The following NSMAF variants were observed in gnomAD, a reference collection of about 807,000 sequenced individuals.
NSMAF encodes the protein neutral sphingomyelinase activation associated factor.
In NSMAF, 90 loss-of-function variants were observed where a neutral mutation model predicts 134.9. The observed-to-expected ratio is 0.67, with a 90% CI of 0.56 to 0.79. The LOEUF is 0.79. Ranked by LOEUF, NSMAF falls within the 30% of genes least tolerant of loss-of-function variation. The pLI is 0.00. For missense variants in NSMAF, 1,010 were observed against 1,119.0 expected, an observed-to-expected ratio of 0.90 and a Z score of 1.39; for synonymous variants, 358 against 389.6, an observed-to-expected ratio of 0.92 and a Z score of 0.96.
At chr8:58,589,796 C>A (rs1450456006) in intron 25 of NSMAF, 6 of 626,164 alleles carry the variant, frequency 9.6e-6, no homozygotes, top group Non-Finnish European at 1.5e-5. Context: ...CAATTTAAAA[C>A]TTAGAGAAAA....
At chr8:58,589,366 T>C in intron 26 of NSMAF, 86 bp downstream of exon 26, 1 of 1,103,674 alleles carries the variant, frequency 9.1e-7, no homozygotes, top group Non-Finnish European at 1.2e-6. Context: ...TGGCTTATAA[T>C]ATCTGTATGT....
chr8:58,585,364 G>A (rs1245742541), intron 30 of NSMAF, among the ~76,000 whole-genome samples: 1 of 147,670 alleles, frequency 6.8e-6, no homozygotes, highest in African/African-American at 2.6e-5. Flanking sequence ...TTAAGATCAT[G>A]CTATTACCTT....
chr8:58,618,088 A>C (rs1192064374), intron 9 of NSMAF, among the ~76,000 whole-genome samples: 3 of 152,124 alleles, frequency 2.0e-5, no homozygotes, highest in African/African-American at 7.2e-5. Flanking sequence ...ACATGTCCTC[A>C]CTCATAGGTG....
At chr8:58,658,728 C>T (rs973807) in intron 1 of NSMAF, among the ~76,000 whole-genome samples, 66,607 of 152,004 alleles carry the variant, frequency 0.44, 16,430 homozygotes, top group African/African-American at 0.66. Flanking sequence ...CCAAAAATGC[C>T]CTGGGAACTA....
intron 21 of NSMAF, chr8:58,596,022 T>C (rs533278902): frequency 5.1e-6 from 1 of 196,376 alleles, no homozygotes; most frequent in Admixed American, 5.5e-5. Flanking sequence ...AATTTTGTTC[T>C]GGTGTGGGGT....
At chr8:58,658,135 T>A (rs953708338) in intron 1 of NSMAF, among the ~76,000 whole-genome samples, 10 of 152,204 alleles carry the variant, frequency 6.6e-5, no homozygotes, top group Non-Finnish European at 5.9e-5. Flanking sequence ...GTTCTCACAA[T>A]TTAAATATGA....
intron 11 of NSMAF, 82 bp from the exon 12 acceptor site, chr8:58,606,117 ACATT>A (rs770583052): frequency 9.8e-5 from 115 of 1,169,868 alleles, no homozygotes; most frequent in Middle Eastern, 5.3e-4. Flanking sequence ...AATTACAAAA[ACATT>A]CAGTTAAACA....
Position 58,589,439 on chromosome 8 carries a change from A to G in NSMAF, c.2211+13T>C. ...ACACCAAGTTAAAAAAACTTTTTAA[A>G]TTATATATGAACCTTCACTGTAGAG... On this transcript the variant is annotated intron_variant, in intron 26 of 30. Coordinates refer to ENST00000038176, the MANE Select transcript of NSMAF (RefSeq NM_003580.4). 1.4e-6 allele frequency: 2 copies of G among 1,433,516 alleles called. No homozygotes were observed. Among genetic ancestry groups the G allele is most frequent in the Non-Finnish European group, 1.8e-6 (2 of 1,092,306 alleles). 88.8% of individuals were successfully genotyped at this position (1,433,516 alleles called of 1,614,324 possible).
chr8:58,590,538 T>C (rs375962402), intron 24 of NSMAF, among the ~76,000 whole-genome samples: 6 of 152,354 alleles, frequency 3.9e-5, no homozygotes, highest in African/African-American at 1.4e-4. Flanking sequence ...TCATATTAGA[T>C]ATCCTACCAA....
At chr8:58,635,861 T>C (rs1004948858) in intron 2 of NSMAF, among the ~76,000 whole-genome samples, 1 of 152,160 alleles carries the variant, frequency 6.6e-6, no homozygotes, top group African/African-American at 2.4e-5. Flanking sequence ...CACTGAGAAA[T>C]AGTCTTACAG....
chr8:58,657,722 T>C (rs1433462095), intron 1 of NSMAF, among the ~76,000 whole-genome samples: 2 of 152,198 alleles, frequency 1.3e-5, no homozygotes, highest in Non-Finnish European at 2.9e-5. Context: ...ACTAAACAAT[T>C]TGGGCACTCA....
rs957987389 is a variant in NSMAF, at chr8:58,659,688, G to C, written c.-57C>G. 1.5e-6 allele frequency: 2 copies of C among 1,315,792 alleles called. No homozygotes were observed. The highest frequency in any genetic ancestry group is 4.1e-5 in the Admixed American group (1 of 24,276). 81.5% of individuals were successfully genotyped at this position (1,315,792 alleles called of 1,614,324 possible). On this transcript the variant is annotated 5_prime_UTR_variant, in exon 1 of 31. Transcript: ENST00000038176. ...CAGGCAGGCCCCGCCGCCGCCTGCC[G>C]AGGAGGTCCGGAGGAGCCGGGGAGG...
intron 2 of NSMAF, among the ~76,000 whole-genome samples, chr8:58,640,501 T>C (rs1392702951): frequency 6.6e-6 from 1 of 152,174 alleles, no homozygotes; most frequent in East Asian, 1.9e-4. Context: ...ATGTATAAAA[T>C]AGTTTCAAAA....
intron 22 of NSMAF, among the ~76,000 whole-genome samples, chr8:58,595,177 CT>C (rs962369821): frequency 6.6e-6 from 1 of 152,112 alleles, no homozygotes; most frequent in African/African-American, 2.4e-5. Context: ...TAAAAGGTGC[CT>C]TTTCACCTAC....
At position 58,619,641 on chromosome 8, in the gene NSMAF, C is replaced by A. The variant is rs113440553; in HGVS notation, c.557+3579G>T. On this transcript the variant is annotated intron_variant, in intron 9 of 30. Transcript: ENST00000038176. ...CTAAAACCTATTGCATTCTATATAT[C>A]AACAATAAACAGAAAATAAAATTTT... is the stretch of plus-strand genomic sequence containing the variant. 3.2e-3 allele frequency among the ~76,000 whole-genome samples: 483 copies of A among 151,986 alleles called. 2 individuals carry two copies. Among genetic ancestry groups the A allele is most frequent in the African/African-American group, 0.011 (459 of 41,474 alleles).
intron 1 of NSMAF, among the ~76,000 whole-genome samples, chr8:58,655,114 C>G (rs1217590838): frequency 2.0e-5 from 3 of 152,212 alleles, no homozygotes; most frequent in Non-Finnish European, 4.4e-5. Context: ...TCTGGGACTA[C>G]AGGCATGAGG....
At chr8:58,616,554 A>G (rs1192973498) in intron 9 of NSMAF, among the ~76,000 whole-genome samples, 2 of 152,152 alleles carry the variant, frequency 1.3e-5, no homozygotes, top group Non-Finnish European at 2.9e-5. Context: ...TTCTACACCC[A>G]TTATTGAAAA....
intron 22 of NSMAF, among the ~76,000 whole-genome samples, chr8:58,595,067 A>G (rs575002202): frequency 1.3e-5 from 2 of 152,330 alleles, no homozygotes; most frequent in African/African-American, 4.8e-5. Context: ...GAACACACAT[A>G]TCATCTCTGG....
rs908485864 is a variant in NSMAF at position 58,623,715 on chromosome 8, C to T, written c.450G>A (p.Leu150=). 1.2e-6 allele frequency: 2 copies of T among 1,613,716 alleles called. No individual in the cohort carries two copies. Among genetic ancestry groups the T allele is most frequent in the Admixed American group, 1.7e-5 (1 of 59,988 alleles). The change falls in exon 7 of 31, where the codon TTG becomes TTA. Residue 150 remains leucine, a synonymous_variant. Coordinates refer to ENST00000038176, the MANE Select transcript of NSMAF (RefSeq NM_003580.4). ...CTACCCAGCAAGTGCTTACCTGAAG[C>T]AACGTCTCCACAACATCTTCCACTT... ...PGKVEDVVET[L]LQLHRASCLD...
Sources: allele counts gnomAD v4.1 joint callset (sites outside exome capture counted in the v4.1 genomes callset), GRCh38; gene constraint gnomAD v4.1.1; transcripts MANE v1.5; gene names NCBI Gene and HGNC (gene_info 2026-07-23, HGNC 2026-07-21).